The following ATXN8OS variants were observed in gnomAD, a reference collection of about 807,000 sequenced individuals.
ATXN8OS encodes ATXN8 opposite strand lncRNA, also known as ATXN8 opposite strand (non-protein coding).
exon 1 of ATXN8OS, chr13:70,107,800 G>C: frequency 1.1e-6 from 1 of 889,902 alleles, no homozygotes. Flanking sequence ...GAAGAGGCGG[G>C]ATGCGCCCTC....
intron 3 of ATXN8OS, among the ~76,000 whole-genome samples, chr13:70,144,246 T>G (rs990692084): frequency 3.9e-5 from 6 of 152,156 alleles, no homozygotes; most frequent in Non-Finnish European, 8.8e-5. Context: ...ATTTTCTCCA[T>G]CCGTTTACAT....
chr13:70,135,619 A>T (rs1888602580), intron 3 of ATXN8OS, among the ~76,000 whole-genome samples: 1 of 150,568 alleles, frequency 6.6e-6, no homozygotes, highest in African/African-American at 2.4e-5. Flanking sequence ...ACATGGGTCC[A>T]TATTGAACTT....
chr13:70,157,884 T>C (rs1378069309), intron 4 of ATXN8OS, among the ~76,000 whole-genome samples: 2 of 152,152 alleles, frequency 1.3e-5, no homozygotes, highest in Non-Finnish European at 2.9e-5. Flanking sequence ...ATTAATAAAA[T>C]GGAGTATGGG....
chr13:70,143,459 G>C (rs761386324), intron 3 of ATXN8OS, among the ~76,000 whole-genome samples: 4 of 152,024 alleles, frequency 2.6e-5, no homozygotes, highest in Non-Finnish European at 5.9e-5. Flanking sequence ...TACCTCTGCT[G>C]GTGTTCTGTG....
chr13:70,155,555 C>T (rs1287963423), intron 4 of ATXN8OS, among the ~76,000 whole-genome samples: 1 of 152,158 alleles, frequency 6.6e-6, no homozygotes, highest in Non-Finnish European at 1.5e-5. Context: ...CATAAAGCTT[C>T]TCTCTATTTG....
At chr13:70,120,036 C>T (rs918546105) in intron 2 of ATXN8OS, among the ~76,000 whole-genome samples, 2 of 151,970 alleles carry the variant, frequency 1.3e-5, no homozygotes, top group South Asian at 2.1e-4. Flanking sequence ...TCATGTGACA[C>T]GTAAGAATTG....
intron 3 of ATXN8OS, chr13:70,131,044 AG>A (rs759507481): frequency 5.0e-6 from 2 of 398,424 alleles, no homozygotes; most frequent in African/African-American, 2.1e-5. Context: ...AATTCTCAAC[AG>A]GTGATTATTC....
chr13:70,131,032 G>A, intron 3 of ATXN8OS: 1 of 398,498 alleles, frequency 2.5e-6, no homozygotes, highest in Non-Finnish European at 4.4e-6. Context: ...GTTAGGAAGT[G>A]AAATTCTCAA....
At chr13:70,108,866 G>A (rs61964561) in intron 1 of ATXN8OS, among the ~76,000 whole-genome samples, 2 of 152,156 alleles carry the variant, frequency 1.3e-5, no homozygotes, top group African/African-American at 4.8e-5. Flanking sequence ...AAAATGTGAC[G>A]ATGCCACCAT....
chr13:70,169,929 G>A (rs998043268), exon 5 of ATXN8OS, among the ~76,000 whole-genome samples: 9 of 152,020 alleles, frequency 5.9e-5, no homozygotes, highest in Admixed American at 3.9e-4. Flanking sequence ...AATGCATTGC[G>A]AGCCAGCTTC....
intron 4 of ATXN8OS, among the ~76,000 whole-genome samples, chr13:70,156,372 T>C (rs932385938): frequency 1.3e-5 from 2 of 152,112 alleles, no homozygotes; most frequent in Non-Finnish European, 2.9e-5. Context: ...ATAACTTTTC[T>C]GGAAATCTAC....
chr13:70,161,219 C>A (rs1199052770), intron 4 of ATXN8OS, among the ~76,000 whole-genome samples: 7 of 151,474 alleles, frequency 4.6e-5, no homozygotes, highest in Non-Finnish European at 1.0e-4. Flanking sequence ...TCCCATATAG[C>A]ATCATTTAAA....
At chr13:70,142,604 T>G (rs564161301) in intron 3 of ATXN8OS, among the ~76,000 whole-genome samples, 1 of 152,346 alleles carries the variant, frequency 6.6e-6, no homozygotes, top group East Asian at 1.9e-4. Context: ...ATGGAAATAG[T>G]AATTACTTGT....
chr13:70,118,260 G>A (rs1396903617), intron 2 of ATXN8OS, among the ~76,000 whole-genome samples: 2 of 152,064 alleles, frequency 1.3e-5, no homozygotes, highest in Non-Finnish European at 2.9e-5. Context: ...GCAATAGTCT[G>A]TAAGGAACTT....
chr13:70,149,342 T>C (rs2137497921), intron 4 of ATXN8OS, among the ~76,000 whole-genome samples: 1 of 152,144 alleles, frequency 6.6e-6, no homozygotes, highest in East Asian at 1.9e-4. Flanking sequence ...TTGTTGCATT[T>C]TATAGGAAAA....
chr13:70,121,161 A>G (rs1888355471), intron 2 of ATXN8OS, among the ~76,000 whole-genome samples: 1 of 152,124 alleles, frequency 6.6e-6, no homozygotes, highest in Non-Finnish European at 1.5e-5. Context: ...AAGAGATAGA[A>G]AAGACAAAGA....
At chr13:70,162,150 C>T (rs1457559770) in intron 4 of ATXN8OS, among the ~76,000 whole-genome samples, 1 of 151,970 alleles carries the variant, frequency 6.6e-6, no homozygotes, top group Non-Finnish European at 1.5e-5. Flanking sequence ...AGTATAACCT[C>T]TAATAAGTAC....
At chr13:70,136,084 G>GGT (rs1888609396) in intron 3 of ATXN8OS, among the ~76,000 whole-genome samples, 2 of 152,306 alleles carry the variant, frequency 1.3e-5, no homozygotes, top group South Asian at 4.1e-4. Flanking sequence ...GCTACAGGTA[G>GGT]GTGTCTGACT....
chr13:70,134,444 T>C lies in ATXN8OS; in HGVS notation n.499+4560T>C, dbSNP rs1200431795. On this transcript the variant is annotated intron_variant and non_coding_transcript_variant, in intron 3 of 4. Transcript: ENST00000678624. ...AGGCAGGTACAGAATTGGGCGCATG[T>C]CTCATGGTGGCCAGCAGCTTGCCTT... Among the ~76,000 whole-genome samples, 11 of 152,276 alleles carry C rather than the reference T, an allele frequency of 7.2e-5. No homozygotes were observed. In the East Asian group the frequency reaches 2.1e-3, roughly 29 times the overall value.
Sources: gnomAD v4.1 joint callset for allele counts (sites outside exome capture counted in the v4.1 genomes callset) on GRCh38, gnomAD v4.1.1 for gene constraint, MANE v1.5 for transcripts, NCBI Gene and HGNC (gene_info 2026-07-23, HGNC 2026-07-21) for gene names.